BICRAL: variants seen among roughly 807,000 people sequenced by gnomAD.
BICRAL encodes the protein BICRA like chromatin remodeling complex associated protein, also known as BRD4-interacting chromatin-remodeling complex-associated protein-like.
A neutral mutation model predicts 91.8 loss-of-function variants in BICRAL; 8 were observed. The observed-to-expected ratio is 0.09, with a 90% CI of 0.05 to 0.16. The LOEUF (loss-of-function observed/expected upper bound fraction) is 0.16. Ranked by LOEUF, BICRAL falls within the 10% of genes least tolerant of loss-of-function variation. BICRAL has a pLI of 1.00. For synonymous variants in BICRAL, 445 were observed against 491.1 expected (o/e 0.91, Z 1.24); for missense variants, 1,038 against 1,310.9 (o/e 0.79, Z 3.21).
intron 1 of BICRAL, among the ~76,000 whole-genome samples, chr6:42,795,186 C>G (rs1272520631): frequency 6.6e-6 from 1 of 152,136 alleles, no homozygotes; most frequent in Admixed American, 6.6e-5. Flanking sequence ...AATCCCAGCA[C>G]TTTGGGAGGC....
At position 42,810,311 on chromosome 6, in the gene BICRAL, C is replaced by T. The variant is rs1398254759; in HGVS notation, c.-96C>T. Reference sequence around the variant, plus strand: ...ATTGTCATGTTTTCTTCTAGCAAAACGTCATATTATTTCACAAAAAGCCCA... The same window carrying T: ...ATTGTCATGTTTTCTTCTAGCAAAATGTCATATTATTTCACAAAAAGCCCA... On this transcript the variant is annotated 5_prime_UTR_variant, in exon 2 of 13. It adds an upstream start codon to the 5' untranslated region. Transcript: ENST00000314073. 6.6e-6 allele frequency: 1 copy of T among 152,096 alleles called. No homozygotes were observed. The highest frequency in any genetic ancestry group is 2.1e-4 in the South Asian group (1 of 4,826). 9.4% of individuals were successfully genotyped at this position (152,096 alleles called of 1,614,324 possible).
chr6:42,759,299 A>T (rs1762507778), intron 1 of BICRAL, among the ~76,000 whole-genome samples: 1 of 152,248 alleles, frequency 6.6e-6, no homozygotes, highest in South Asian at 2.1e-4. Flanking sequence ...CAAAGGGCTT[A>T]AGCAGGATGA....
chr6:42,790,497 A>C (rs1763240758), intron 1 of BICRAL, among the ~76,000 whole-genome samples: 2 of 147,740 alleles, frequency 1.4e-5, no homozygotes, highest in Non-Finnish European at 3.0e-5. Flanking sequence ...TTTTTATTTA[A>C]ATAATGTCAA....
intron 1 of BICRAL, among the ~76,000 whole-genome samples, chr6:42,748,104 CTTTTTTTTTTT>C (rs35511368): frequency 8.0e-6 from 1 of 124,582 alleles, no homozygotes; most frequent in Non-Finnish European, 1.7e-5. Context: ...GTGCCTGGCC[CTTTTTTTTTTT>C]TTTTTTTTTT....
At chr6:42,849,033 A>G (rs1024538915) in intron 6 of BICRAL, among the ~76,000 whole-genome samples, 8 of 152,120 alleles carry the variant, frequency 5.3e-5, no homozygotes, top group Non-Finnish European at 8.8e-5. Context: ...TTTCTTCCTA[A>G]TAATTCATTG....
At chr6:42,839,498 C>T (rs1034692146) in intron 6 of BICRAL, among the ~76,000 whole-genome samples, 16 of 151,848 alleles carry the variant, frequency 1.1e-4, no homozygotes, top group Non-Finnish European at 2.2e-4. Context: ...ATTTTAAACA[C>T]AAAGTAGACA....
chr6:42,763,264 G>T (rs75023588), intron 1 of BICRAL, among the ~76,000 whole-genome samples: 2,125 of 152,284 alleles, frequency 0.014, 59 homozygotes, highest in African/African-American at 0.048. Flanking sequence ...AGACACAGAT[G>T]TAAGTCTTTA....
rs187900797 is a variant in BICRAL, at chr6:42,841,358, T to C, written c.1840-10734T>C. On this transcript the variant is annotated intron_variant, in intron 6 of 12. Transcript: ENST00000314073. ...CGTGCACCACCACACCTGGCTAATT[T>C]TGTATTTTTTAGTAGAGATGGGGTT... 6.9e-3 allele frequency among the ~76,000 whole-genome samples: 1,044 copies of C among 151,878 alleles called. 5 individuals are homozygous for C. The highest frequency in any genetic ancestry group is 0.022 in the African/African-American group (917 of 41,446).
rs759492352 is a variant in BICRAL, at chr6:42,865,038, A to G, written c.2832A>G (p.Ser944=). The change falls in exon 13 of 13, where the codon TCA becomes TCG. Residue 944 remains serine, a synonymous_variant. Transcript: ENST00000314073. ...GCCCTGAGGGGCACCGGAAAACCTCATCCAGATCGGATCATGGTACTGAGA... is the reference window on the plus strand; with the variant it reads ...GCCCTGAGGGGCACCGGAAAACCTCGTCCAGATCGGATCATGGTACTGAGA... The part of the protein sequence containing the change: ...SPGPEGHRKT[S]SRSDHGTESK... The G allele has an allele frequency of 2.0e-5, 33 of 1,613,680 alleles. No individual in the cohort carries two copies. The highest frequency in any genetic ancestry group is 1.3e-4 in the South Asian group (12 of 91,072).
intron 6 of BICRAL, among the ~76,000 whole-genome samples, chr6:42,844,341 C>T (rs1764915532): frequency 6.7e-6 from 1 of 150,186 alleles, no homozygotes; most frequent in South Asian, 2.1e-4. Context: ...AACCCCATCT[C>T]TACTAAACAT....
chr6:42,809,018 C>T (rs1763783977), intron 1 of BICRAL, among the ~76,000 whole-genome samples: 1 of 151,894 alleles, frequency 6.6e-6, no homozygotes, highest in Non-Finnish European at 1.5e-5. Flanking sequence ...ATTTTTTTGC[C>T]AGCTGGATTG....
chr6:42,833,009 G>GT (rs1428581928), intron 6 of BICRAL, among the ~76,000 whole-genome samples: 2 of 150,894 alleles, frequency 1.3e-5, no homozygotes, highest in South Asian at 2.1e-4. Context: ...GTGTTTTGGT[G>GT]TTTTTTCTTT....
At chr6:42,822,651 A>G in intron 3 of BICRAL, 145 bp from the exon 4 acceptor site, 1 of 537,752 alleles carries the variant, frequency 1.9e-6, no homozygotes, top group Non-Finnish European at 3.3e-6. Flanking sequence ...ATTAAAAAAA[A>G]AAAAACCTAC....
chr6:42,790,473 G>T (rs1371685306), intron 1 of BICRAL, among the ~76,000 whole-genome samples: 1 of 149,084 alleles, frequency 6.7e-6, no homozygotes, highest in African/African-American at 2.5e-5. Context: ...ACTGCATCCT[G>T]CCGAGAAAAT....
At chr6:42,814,639 C>T (rs1763933634) in intron 2 of BICRAL, among the ~76,000 whole-genome samples, 1 of 149,910 alleles carries the variant, frequency 6.7e-6, no homozygotes, top group Admixed American at 6.7e-5. Flanking sequence ...CTCCTTCCTG[C>T]CTTAGCCTCC....
chr6:42,751,327 T>C (rs1303581778), intron 1 of BICRAL, among the ~76,000 whole-genome samples: 4 of 152,120 alleles, frequency 2.6e-5, no homozygotes, highest in African/African-American at 9.7e-5. Flanking sequence ...CTAAATTGTT[T>C]TGTTGAAGCA....
At chr6:42,831,790 A>G (rs1301698546) in intron 6 of BICRAL, among the ~76,000 whole-genome samples, 1 of 150,472 alleles carries the variant, frequency 6.6e-6, no homozygotes, top group East Asian at 2.0e-4. Context: ...CCAGGCTAGC[A>G]TGCAGTGGCG....
chr6:42,858,497 C>G (rs1765453724), intron 10 of BICRAL, among the ~76,000 whole-genome samples: 1 of 129,026 alleles, frequency 7.8e-6, no homozygotes, highest in Non-Finnish European at 1.6e-5. Flanking sequence ...GCCTGGATAA[C>G]AGAGCAAGAC....
intron 1 of BICRAL, among the ~76,000 whole-genome samples, chr6:42,767,354 GT>G (rs1762651461): frequency 6.6e-6 from 1 of 152,084 alleles, no homozygotes; most frequent in Non-Finnish European, 1.5e-5. Context: ...TCATGTAAAA[GT>G]TTTTTTGTAA....
Sources: allele counts gnomAD v4.1 joint callset (sites outside exome capture counted in the v4.1 genomes callset), GRCh38; gene constraint gnomAD v4.1.1; transcripts MANE v1.5; gene names NCBI Gene and HGNC (gene_info 2026-07-23, HGNC 2026-07-21).